AOAH: variants seen among roughly 807,000 people sequenced by gnomAD.
AOAH encodes acyloxyacyl hydrolase, also known as acyloxyacyl hydrolase (neutrophil).
In AOAH, 64 loss-of-function variants were observed where a neutral mutation model predicts 92.2. The ratio of observed to expected loss-of-function variants is 0.69; its 90% CI spans 0.57 to 0.86. The LOEUF (loss-of-function observed/expected upper bound fraction) is 0.86, where lower values mean the gene tolerates loss of function less well. Among genes scored for constraint, AOAH ranks in the 40% least tolerant of loss-of-function variants. AOAH has a pLI of 0.00. For missense variants in AOAH, 656 were observed against 694.6 expected (o/e 0.94, Z 0.62); for synonymous variants, 263 against 254.5 (o/e 1.03, Z -0.32).
At chr7:36,550,711 G>A (rs1786169295) in intron 13 of AOAH, among the ~76,000 whole-genome samples, 1 of 152,226 alleles carries the variant, frequency 6.6e-6, no homozygotes, top group Admixed American at 6.5e-5. Context: ...ATTGTCAGGT[G>A]GGTGGTGCAA....
intron 13 of AOAH, among the ~76,000 whole-genome samples, chr7:36,553,573 C>A (rs1272233927): frequency 4.6e-5 from 7 of 152,008 alleles, no homozygotes; most frequent in South Asian, 2.1e-4. Flanking sequence ...CTGATTTCCA[C>A]AATGGTTAAA....
intron 4 of AOAH, among the ~76,000 whole-genome samples, chr7:36,644,427 G>T (rs1794103710): frequency 6.6e-6 from 1 of 152,136 alleles, no homozygotes; most frequent in Non-Finnish European, 1.5e-5. Flanking sequence ...AAGGCTTTGG[G>T]CCGCTTTGTG....
intron 1 of AOAH, among the ~76,000 whole-genome samples, chr7:36,700,292 T>A (rs1325393825): frequency 6.6e-6 from 1 of 152,074 alleles, no homozygotes; most frequent in Non-Finnish European, 1.5e-5. Flanking sequence ...TATTGTACAT[T>A]GTACCCATTA....
chr7:36,706,133 A>C (rs1798392553), intron 1 of AOAH, among the ~76,000 whole-genome samples: 1 of 152,192 alleles, frequency 6.6e-6, no homozygotes, highest in Non-Finnish European at 1.5e-5. Flanking sequence ...ATGGCAACAA[A>C]AGCCAAAACT....
At chr7:36,627,233 T>C (rs1211958639) in intron 6 of AOAH, among the ~76,000 whole-genome samples, 1 of 152,132 alleles carries the variant, frequency 6.6e-6, no homozygotes, top group Non-Finnish European at 1.5e-5. Context: ...GGGTTGTGCA[T>C]GTAGAGAGGA....
At chr7:36,594,843 G>T (rs1258230041) in intron 11 of AOAH, among the ~76,000 whole-genome samples, 1 of 151,924 alleles carries the variant, frequency 6.6e-6, no homozygotes, top group African/African-American at 2.4e-5. Context: ...GCCTTCCCTG[G>T]GTTCAAAGCT....
chr7:36,636,028 A>AGTC (rs1448173892), intron 5 of AOAH, among the ~76,000 whole-genome samples: 3 of 152,142 alleles, frequency 2.0e-5, no homozygotes, highest in Admixed American at 6.5e-5. Flanking sequence ...ACTGTTTTCA[A>AGTC]GTCTGAATTC....
At chr7:36,667,929 A>G (rs1268517027) in intron 3 of AOAH, among the ~76,000 whole-genome samples, 1 of 152,148 alleles carries the variant, frequency 6.6e-6, no homozygotes, top group Non-Finnish European at 1.5e-5. Flanking sequence ...TTTAATCTAT[A>G]TTTATCTTTA....
intron 1 of AOAH, among the ~76,000 whole-genome samples, chr7:36,691,011 C>T (rs1797364773): frequency 6.6e-6 from 1 of 152,192 alleles, no homozygotes; most frequent in Non-Finnish European, 1.5e-5. Flanking sequence ...TTGTCTGAAA[C>T]CCACACTTTG....
intron 15 of AOAH, among the ~76,000 whole-genome samples, chr7:36,547,179 G>A (rs1785863049): frequency 6.6e-6 from 1 of 152,188 alleles, no homozygotes; most frequent in Non-Finnish European, 1.5e-5. Flanking sequence ...TCCTTAAAGG[G>A]TGTTTGCCAT....
At chr7:36,623,148 T>C in intron 7 of AOAH, 42 bp downstream of exon 7, 4 of 1,490,268 alleles carry the variant, frequency 2.7e-6, no homozygotes, top group South Asian at 2.3e-5. Flanking sequence ...TAGGAAGCAA[T>C]GTGATGTTAG....
At chr7:36,519,785 G>A (rs1288113024) in intron 20 of AOAH, among the ~76,000 whole-genome samples, 1 of 152,206 alleles carries the variant, frequency 6.6e-6, no homozygotes, top group African/African-American at 2.4e-5. Flanking sequence ...GCTCTGTGGT[G>A]TTCTGTACTT....
At chr7:36,538,787 G>A (rs1785240511) in intron 16 of AOAH, among the ~76,000 whole-genome samples, 1 of 152,198 alleles carries the variant, frequency 6.6e-6, no homozygotes, top group African/African-American at 2.4e-5. Flanking sequence ...AAGGCGGCGT[G>A]GTCAAAGTTG....
intron 11 of AOAH, chr7:36,594,723 T>C: frequency 5.0e-6 from 2 of 398,046 alleles, no homozygotes; most frequent in Non-Finnish European, 9.4e-6. Context: ...AAACTTCCCA[T>C]TCTTACATTT....
intron 13 of AOAH, among the ~76,000 whole-genome samples, chr7:36,551,337 G>T (rs2116341909): frequency 1.3e-5 from 2 of 152,236 alleles, no homozygotes; most frequent in East Asian, 3.9e-4. Context: ...CTCCCAAAGT[G>T]CTGGGATTAC....
chr7:36,652,103 G>A (rs538789809), intron 4 of AOAH, among the ~76,000 whole-genome samples: 1 of 152,166 alleles, frequency 6.6e-6, no homozygotes, highest in South Asian at 2.1e-4. Flanking sequence ...TCTCCTTCGG[G>A]ACATGCTGAT....
At position 36,548,684 on chromosome 7, in the gene AOAH, A is replaced by G. The variant is rs376175306; in HGVS notation, c.1061T>C (p.Leu354Ser). Residue 354 changes from leucine to serine, a missense_variant and splice_region_variant, in exon 15 of 21, where the codon TTG becomes TCG. By Grantham distance (145) the Leu-to-Ser change is moderately radical (BLOSUM62 -2). Transcript: ENST00000617537. ...SRNLKKFIES[L>S]SRNKVLDYPA... Reference sequence around the variant, plus strand: ...ATAGTCCAACACCTTGTTTCTAGACAAGCTGAGAAGGCATAGATGGAATCT... The same window carrying G: ...ATAGTCCAACACCTTGTTTCTAGACGAGCTGAGAAGGCATAGATGGAATCT... The G allele has an allele frequency of 1.2e-6, 2 of 1,613,034 alleles. No individual in the cohort carries two copies. The highest frequency in any genetic ancestry group is 1.7e-6 in the Non-Finnish European group (2 of 1,179,206).
intron 12 of AOAH, among the ~76,000 whole-genome samples, chr7:36,592,601 T>C (rs1265305220): frequency 1.3e-5 from 2 of 152,216 alleles, no homozygotes; most frequent in Admixed American, 6.5e-5. Context: ...TGTTATGATA[T>C]GACACAAGGT....
rs752684550 is a variant in AOAH at position 36,724,096 on chromosome 7, G to GACAGGAGCAAGA, written c.41_52dup (p.Phe14_Leu17dup). The GACAGGAGCAAGA allele has an allele frequency of 5.0e-6, 8 of 1,613,800 alleles. No homozygotes were observed. In the East Asian group the frequency reaches 1.8e-4, roughly 36 times the overall value. On this transcript the variant is annotated inframe_insertion, in exon 1 of 21. Transcript: ENST00000617537. ...GGCTGGAGAGGCCGAGGACTGAAGA[G>GACAGGAGCAAGA]ACAGGAGCAAGAATAGAGGCGCCAC...
Sources: gnomAD v4.1 joint callset for allele counts (sites outside exome capture counted in the v4.1 genomes callset) on GRCh38, gnomAD v4.1.1 for gene constraint, MANE v1.5 for transcripts, NCBI Gene and HGNC (gene_info 2026-07-23, HGNC 2026-07-21) for gene names.